The following MUCL1 variants were observed in gnomAD, a reference collection of about 807,000 sequenced individuals.
MUCL1 encodes the protein mucin like 1.
Under a neutral mutation model 9.2 loss-of-function variants are expected in MUCL1, and 11 were observed. The observed-to-expected ratio is 1.19, with a 90% CI of 0.75 to 1.97. The LOEUF (loss-of-function observed/expected upper bound fraction) is 1.97, where lower values mean the gene tolerates loss of function less well. Ranked by LOEUF, MUCL1 falls within the 30% of genes most tolerant of loss-of-function variation. MUCL1 has a pLI of 0.00. For missense variants in MUCL1, 144 were observed against 110.9 expected, an observed-to-expected ratio of 1.30 and a Z score of -1.34; for synonymous variants, 48 against 40.5, an observed-to-expected ratio of 1.19 and a Z score of -0.71.
At chr12:54,843,339 C>T (rs1959222078) in intron 1 of MUCL1, among the ~76,000 whole-genome samples, 1 of 152,056 alleles carries the variant, frequency 6.6e-6, no homozygotes, top group Non-Finnish European at 1.5e-5. Context: ...TGAATTTTAT[C>T]AAATGTTTTT....
upstream of MUCL1, among the ~76,000 whole-genome samples, chr12:54,834,871 A>T (rs1050836860): frequency 6.6e-6 from 1 of 152,064 alleles, no homozygotes. Flanking sequence ...TGTATCCAAT[A>T]TGTAGGTTTT....
upstream of MUCL1, among the ~76,000 whole-genome samples, chr12:54,835,935 T>C (rs1402787287): frequency 1.3e-5 from 2 of 152,220 alleles, no homozygotes; most frequent in Admixed American, 1.3e-4. Context: ...TGAAACCCGC[T>C]TGATCATGAT....
upstream of MUCL1, among the ~76,000 whole-genome samples, chr12:54,837,030 A>G (rs1190613434): frequency 6.6e-6 from 1 of 152,140 alleles, no homozygotes; most frequent in Non-Finnish European, 1.5e-5. Context: ...TATTTCATGC[A>G]CTGAGGAGAA....
intron 1 of MUCL1, among the ~76,000 whole-genome samples, chr12:54,842,912 T>A (rs1301116810): frequency 1.3e-5 from 2 of 152,150 alleles, no homozygotes; most frequent in Non-Finnish European, 2.9e-5. Flanking sequence ...CCCATAAGAT[T>A]ATAATACCAT....
intron 1 of MUCL1, among the ~76,000 whole-genome samples, chr12:54,847,791 A>G (rs1959278123): frequency 6.6e-6 from 1 of 152,188 alleles, no homozygotes. Flanking sequence ...TTAATTTGAG[A>G]TTGAATGGCA....
chr12:54,856,726 C>T (rs1174112639), intron 2 of MUCL1, 44 bp from the exon 3 acceptor site: 12 of 1,564,166 alleles, frequency 7.7e-6, no homozygotes, highest in Admixed American at 3.9e-5. Context: ...AATTTTGTTC[C>T]AGAAGGAGTC....
upstream of MUCL1, among the ~76,000 whole-genome samples, chr12:54,835,475 T>C (rs1184373774): frequency 6.0e-5 from 9 of 151,176 alleles, no homozygotes; most frequent in Admixed American, 2.6e-4. Flanking sequence ...TGGTGTCTCA[T>C]TGTAGTTTTA....
intron 3 of MUCL1, among the ~76,000 whole-genome samples, chr12:54,857,590 A>C (rs990332881): frequency 6.6e-6 from 1 of 152,188 alleles, no homozygotes; most frequent in African/African-American, 2.4e-5. Flanking sequence ...TATCACAGTC[A>C]TTCTATGAAG....
At chr12:54,858,092 G>A in intron 3 of MUCL1, 101 bp from the exon 4 acceptor site, 1 of 1,386,984 alleles carries the variant, frequency 7.2e-7, no homozygotes, top group Non-Finnish European at 1.0e-6. Flanking sequence ...CCTGAGTTTA[G>A]TTGACATTTG....
chr12:54,838,189 C>G (rs934709066), upstream of MUCL1, among the ~76,000 whole-genome samples: 1 of 152,160 alleles, frequency 6.6e-6, no homozygotes. Flanking sequence ...ATTTATAAAA[C>G]TTAGTTTTGC....
intron 1 of MUCL1, 29 bp downstream of exon 1, chr12:54,854,669 G>T: frequency 5.6e-6 from 9 of 1,593,760 alleles, no homozygotes; most frequent in Non-Finnish European, 7.7e-6. Flanking sequence ...CTGAACATAA[G>T]TTTTGTGGGA....
At chr12:54,835,397 A>G (rs1028355570), upstream of MUCL1, among the ~76,000 whole-genome samples, 1 of 151,484 alleles carries the variant, frequency 6.6e-6, no homozygotes, top group African/African-American at 2.4e-5. Context: ...TCCCCTTTTC[A>G]CCACCTCTAC....
chr12:54,842,647 T>C (rs1419670423), intron 1 of MUCL1, among the ~76,000 whole-genome samples: 1 of 152,226 alleles, frequency 6.6e-6, no homozygotes, highest in Admixed American at 6.5e-5. Flanking sequence ...ACTGAAACTT[T>C]GTATCTTTTG....
upstream of MUCL1, among the ~76,000 whole-genome samples, chr12:54,850,621 C>T (rs1202021281): frequency 2.0e-5 from 3 of 152,070 alleles, no homozygotes; most frequent in South Asian, 2.1e-4. Context: ...AATAAACATA[C>T]GTGTGCATGT....
Position 54,845,599 on chromosome 12 carries a change from G to A in MUCL1, c.43+6152G>A, listed in dbSNP as rs1023249861. 2.6e-5 allele frequency among the ~76,000 whole-genome samples: 4 copies of A among 152,052 alleles called. No homozygotes were observed. In the East Asian group the frequency reaches 7.8e-4, roughly 29 times the overall value. On this transcript the variant is annotated intron_variant, in intron 1 of 3. Transcript: ENST00000546809. ...GACTTTTTTGTTCCAGCTGACTCTG[G>A]GGTTACCAGTAGGGTACACTTGGTT...
chr12:54,842,630 C>T (rs1959218126), intron 1 of MUCL1, among the ~76,000 whole-genome samples: 1 of 148,940 alleles, frequency 6.7e-6, no homozygotes, highest in Non-Finnish European at 1.5e-5. Flanking sequence ...CTTATTCTTC[C>T]TGTCTAACTG....
At position 54,858,297 on chromosome 12, in the gene MUCL1, G is replaced by A. The variant is rs866236928; in HGVS notation, c.*55G>A. 6 of 1,604,846 alleles carry A rather than the reference G, an allele frequency of 3.7e-6. No homozygotes were observed. In the South Asian group the frequency reaches 4.4e-5, roughly 12 times the overall value. On this transcript the variant is annotated 3_prime_UTR_variant, in exon 4 of 4. Transcript: ENST00000308796. ...GGTCACAACTATTCATGCTTCCTGT[G>A]ATTTCATCCAACTACTTACCTTGCC...
intron 1 of MUCL1, among the ~76,000 whole-genome samples, chr12:54,839,869 G>T (rs1256611943): frequency 6.6e-6 from 1 of 152,194 alleles, no homozygotes; most frequent in Non-Finnish European, 1.5e-5. Flanking sequence ...CACCAGGGCT[G>T]CCTGACTGTT....
At chr12:54,833,597 A>G (rs10735856) in intron 1 of MUCL1, among the ~76,000 whole-genome samples, 79,405 of 151,814 alleles carry the variant, frequency 0.52, 21,227 homozygotes, top group East Asian at 0.86. Context: ...ATATTGGATT[A>G]TCTTTTTCTA....
Sources: gnomAD v4.1 joint callset for allele counts (sites outside exome capture counted in the v4.1 genomes callset) on GRCh38, gnomAD v4.1.1 for gene constraint, MANE v1.5 for transcripts, NCBI Gene and HGNC (gene_info 2026-07-23, HGNC 2026-07-21) for gene names.